The following PPP4R3B variants were observed in gnomAD, a reference collection of about 807,000 sequenced individuals.
The protein encoded by PPP4R3B is serine/threonine-protein phosphatase 4 regulatory subunit 3B.
In PPP4R3B, 52 loss-of-function variants were observed where a neutral mutation model predicts 95.4. The observed-to-expected ratio is 0.54, with a 90% confidence interval of 0.44 to 0.69. The LOEUF (loss-of-function observed/expected upper bound fraction) is 0.69, where lower values mean the gene tolerates loss of function less well. Among genes scored for constraint, PPP4R3B ranks in the 30% least tolerant of loss-of-function variants. PPP4R3B has a pLI of 0.00. For synonymous variants in PPP4R3B, 407 were observed against 343.9 expected, an observed-to-expected ratio of 1.18 and a Z score of -2.03; for missense variants, 1,003 against 1,005.9, an observed-to-expected ratio of 1.00 and a Z score of 0.04.
At chr2:55,589,623 T>C (rs1283855309) in intron 4 of PPP4R3B, among the ~76,000 whole-genome samples, 1 of 151,830 alleles carries the variant, frequency 6.6e-6, no homozygotes, top group Non-Finnish European at 1.5e-5. Flanking sequence ...AACAGAAAAA[T>C]ATAGTCAAGT....
chr2:55,602,637 A>T (rs1692786130), intron 3 of PPP4R3B, among the ~76,000 whole-genome samples: 1 of 152,218 alleles, frequency 6.6e-6, no homozygotes, highest in Non-Finnish European at 1.5e-5. Flanking sequence ...AAACTTAACT[A>T]GTTGGCAATA....
intron 8 of PPP4R3B, 75 bp from the exon 9 acceptor site, chr2:55,579,856 C>G: frequency 1.1e-6 from 1 of 872,004 alleles, no homozygotes; most frequent in South Asian, 1.8e-5. Context: ...CAGTACATAC[C>G]TTTTCCAGAA....
At chr2:55,555,777 T>C (rs969412050) in intron 16 of PPP4R3B, among the ~76,000 whole-genome samples, 1 of 152,214 alleles carries the variant, frequency 6.6e-6, no homozygotes, top group Non-Finnish European at 1.5e-5. Flanking sequence ...TTAAGTTCTA[T>C]GCAGGAAATC....
At position 55,617,256 on chromosome 2, in the gene PPP4R3B, G is replaced by C. The variant is rs770660217; in HGVS notation, c.30C>G (p.Val10=). Residue 10 remains valine (V), a synonymous_variant, in exon 1 of 17, where the codon GTC becomes GTG. Transcript: ENST00000616407. MSDTRRRVK[V]YTLNEDRQWD... ...ATTGCCGGTCTTCGTTCAGGGTATA[G>C]ACCTTCACTCGCCGCCGCGTATCCG... is the stretch of plus-strand genomic sequence containing the variant. 4 of 1,607,124 alleles carry C rather than the reference G, an allele frequency of 2.5e-6. No individual in the cohort carries two copies. Among genetic ancestry groups the C allele is most frequent in the Non-Finnish European group, 3.4e-6 (4 of 1,175,614 alleles).
chr2:55,589,668 C>T (rs1222673456), intron 4 of PPP4R3B, among the ~76,000 whole-genome samples: 1 of 152,032 alleles, frequency 6.6e-6, no homozygotes, highest in Admixed American at 6.5e-5. Context: ...GTAATCCCAG[C>T]ACTTTGGAAG....
In PPP4R3B at chr2:55,568,242, A is replaced by G. The variant is rs140302691; in HGVS notation, c.1887T>C (p.Tyr629=). 108 of 1,604,896 alleles carry G rather than the reference A, an allele frequency of 6.7e-5. No individual in the cohort carries two copies. The African/African-American group carries it at 9.2e-4, about 14-fold the overall frequency. Residue 629 remains tyrosine, a synonymous_variant, in exon 13 of 17, where the codon TAT becomes TAC. Coordinates refer to ENST00000616407, the MANE Select transcript of PPP4R3B (RefSeq NM_001122964.3). ...INALLDNGTR[Y]NLLNSAVIEL... ...CAATAACAGCTGAATTCAACAGATTATACCGAGTTCCATTATCCAGAAGTG... is the reference window on the plus strand; with the variant it reads ...CAATAACAGCTGAATTCAACAGATTGTACCGAGTTCCATTATCCAGAAGTG...
At position 55,547,964 on chromosome 2, in the gene PPP4R3B, TAAG is replaced by T. The variant is rs1473752278; in HGVS notation, c.*1944_*1946del. On this transcript the variant is annotated 3_prime_UTR_variant, in exon 17 of 17. Coordinates refer to ENST00000616407, the MANE Select transcript of PPP4R3B (RefSeq NM_001122964.3). ...AAGTGTTTTACATGTGGGCTTATTT[TAAG>T]AAGAAATTTACTAAAAGCTGAGAGA... is the stretch of plus-strand genomic sequence containing the variant. 2.6e-5 allele frequency: 4 copies of T among 152,170 alleles called. No homozygotes were observed. The highest frequency in any genetic ancestry group is 6.6e-5 in the Admixed American group (1 of 15,264). The allele number at this position is 152,170 out of a possible 1,614,324, so 9.4% of individuals were successfully genotyped here. A position where few individuals can be genotyped will look rare whatever the true frequency, so the allele number is the denominator to read the frequency against.
At chr2:55,604,190 G>T in intron 2 of PPP4R3B, 114 bp from the exon 3 acceptor site, 1 of 641,568 alleles carries the variant, frequency 1.6e-6, no homozygotes, top group Non-Finnish European at 2.6e-6. Flanking sequence ...GCCCCGATAT[G>T]AGTAATCAAT....
intron 11 of PPP4R3B, 108 bp from the exon 12 acceptor site, chr2:55,573,885 CCTTT>C (rs1186486797): frequency 6.3e-6 from 3 of 479,430 alleles, no homozygotes; most frequent in East Asian, 9.6e-5. Flanking sequence ...TGTATTTCCT[CCTTT>C]TTTTTTTTTT....
At chr2:55,560,939 G>A (rs1405557666) in intron 15 of PPP4R3B, among the ~76,000 whole-genome samples, 1 of 152,212 alleles carries the variant, frequency 6.6e-6, no homozygotes, top group Non-Finnish European at 1.5e-5. Flanking sequence ...TGACCATGCA[G>A]TAGAAAAGAA....
intron 3 of PPP4R3B, among the ~76,000 whole-genome samples, chr2:55,603,586 G>A (rs1692957506): frequency 6.6e-6 from 1 of 152,178 alleles, no homozygotes; most frequent in Non-Finnish European, 1.5e-5. Context: ...CTGAAGTCAT[G>A]AATACTGTTG....
Position 55,564,913 on chromosome 2 carries a change from C to T in PPP4R3B, c.2064G>A (p.Gln688=). ...TACTTAAACAATACCTGTTCAGTTT[C>T]TGATTTTGTCTGTCTTTTTCTTGCT... ...KYEQEKDRQN[Q]KLNSVPSILR... The change falls in exon 14 of 17, where the codon CAG becomes CAA. Residue 688 remains glutamine, a synonymous_variant. Transcript: ENST00000616407. The T allele has an allele frequency of 1.6e-5, 26 of 1,609,956 alleles. No homozygotes were observed. Among genetic ancestry groups the T allele is most frequent in the Non-Finnish European group, 2.1e-5 (25 of 1,178,694 alleles).
chr2:55,579,843 T>C lies in PPP4R3B; in HGVS notation c.1366-62A>G, dbSNP rs1457002204. 5 of 1,017,356 alleles carry C rather than the reference T, an allele frequency of 4.9e-6. No homozygotes were observed. In the South Asian group the frequency reaches 7.6e-5, roughly 15 times the overall value. The allele number at this position is 1,017,356 out of a possible 1,614,324, so 63.0% of individuals were successfully genotyped here. A position where few individuals can be genotyped will look rare whatever the true frequency, so the allele number is the denominator to read the frequency against. On this transcript the variant is annotated intron_variant, in intron 8 of 16. Coordinates refer to ENST00000616407, the MANE Select transcript of PPP4R3B (RefSeq NM_001122964.3). Reference sequence around the variant, plus strand: ...ATGTAAATAAAAACATCTTCAAGATTAGCAGTACATACCTTTTCCAGAACC... The same window carrying C: ...ATGTAAATAAAAACATCTTCAAGATCAGCAGTACATACCTTTTCCAGAACC...
At chr2:55,555,440 A>G (rs1685731916) in intron 16 of PPP4R3B, among the ~76,000 whole-genome samples, 1 of 151,902 alleles carries the variant, frequency 6.6e-6, no homozygotes, top group South Asian at 2.1e-4. Context: ...GATCAAAATA[A>G]ATGACAACAA....
chr2:55,566,743 C>A (rs1687343809), intron 13 of PPP4R3B, among the ~76,000 whole-genome samples: 1 of 152,176 alleles, frequency 6.6e-6, no homozygotes, highest in Non-Finnish European at 1.5e-5. Context: ...TGCAGTGGCT[C>A]ACACCTGTAA....
At chr2:55,608,509 C>T (rs1301666005) in intron 2 of PPP4R3B, among the ~76,000 whole-genome samples, 1 of 152,154 alleles carries the variant, frequency 6.6e-6, no homozygotes, top group East Asian at 1.9e-4. Flanking sequence ...TCACAAAATC[C>T]ATCCATCTCT....
At chr2:55,603,934 A>G (rs1693023730) in intron 3 of PPP4R3B, 44 bp downstream of exon 3, 1 of 1,418,736 alleles carries the variant, frequency 7.0e-7, no homozygotes, top group African/African-American at 1.4e-5. Flanking sequence ...AAAATTCCAG[A>G]AAAGAAGCAA....
chr2:55,597,948 T>A (rs1203992900), intron 4 of PPP4R3B, among the ~76,000 whole-genome samples: 1 of 152,216 alleles, frequency 6.6e-6, no homozygotes, highest in East Asian at 1.9e-4. Context: ...CTGGGCGCGG[T>A]GGCTCACGCC....
intron 2 of PPP4R3B, among the ~76,000 whole-genome samples, chr2:55,604,690 A>C (rs1036180233): frequency 6.6e-6 from 1 of 152,164 alleles, no homozygotes; most frequent in Non-Finnish European, 1.5e-5. Flanking sequence ...GCAGTCTCCT[A>C]GAATGTCTTC....
Sources: gnomAD v4.1 joint callset for allele counts (sites outside exome capture counted in the v4.1 genomes callset) on GRCh38, gnomAD v4.1.1 for gene constraint, MANE v1.5 for transcripts, NCBI Gene and HGNC (gene_info 2026-07-23, HGNC 2026-07-21) for gene names.